Variants in SIPA1L2 observed in about 807,000 individuals in gnomAD.
SIPA1L2 encodes signal induced proliferation associated 1 like 2.
A neutral mutation model predicts 163.9 loss-of-function variants in SIPA1L2; 56 were observed. The ratio of observed to expected loss-of-function variants is 0.34; its 90% CI spans 0.28 to 0.43. The LOEUF (loss-of-function observed/expected upper bound fraction) is 0.43, where lower values mean the gene tolerates loss of function less well. Among genes scored for constraint, SIPA1L2 ranks in the 20% least tolerant of loss-of-function variants. The pLI is 1.00. For synonymous variants in SIPA1L2, 877 were observed against 865.7 expected, an observed-to-expected ratio of 1.01 and a Z score of -0.23; for missense variants, 1,974 against 2,193.5, an observed-to-expected ratio of 0.90 and a Z score of 2.00.
At chr1:232,567,578 T>C (rs988300775) in intron 2 of SIPA1L2, among the ~76,000 whole-genome samples, 1 of 152,200 alleles carries the variant, frequency 6.6e-6, no homozygotes, top group African/African-American at 2.4e-5. Context: ...ATTTCCAAGT[T>C]ATAAAGGAGT....
chr1:232,568,776 T>C (rs926677308), intron 2 of SIPA1L2, among the ~76,000 whole-genome samples: 3 of 152,264 alleles, frequency 2.0e-5, no homozygotes, highest in African/African-American at 2.4e-5. Flanking sequence ...AAAATGCACA[T>C]GTCTACATGT....
intron 10 of SIPA1L2, among the ~76,000 whole-genome samples, chr1:232,459,067 G>A (rs1664085601): frequency 6.6e-6 from 1 of 152,176 alleles, no homozygotes; most frequent in South Asian, 2.1e-4. Context: ...GAGGCTGGAG[G>A]CAAATGCTAA....
intron 1 of SIPA1L2, among the ~76,000 whole-genome samples, chr1:232,621,822 T>G (rs1189477158): frequency 2.0e-5 from 3 of 151,976 alleles, no homozygotes; most frequent in Non-Finnish European, 4.4e-5. Context: ...CTCGAACGCC[T>G]GGGCTCAAGG....
chr1:232,553,730 T>C (rs1320029194), intron 2 of SIPA1L2, among the ~76,000 whole-genome samples: 2 of 152,214 alleles, frequency 1.3e-5, no homozygotes, highest in East Asian at 3.8e-4. Flanking sequence ...TAAATCCTCT[T>C]CTACCATAAA....
In SIPA1L2 at chr1:232,432,422, C is replaced by T. The variant is rs778057532; in HGVS notation, c.4081G>A (p.Gly1361Arg). 7 of 1,614,122 alleles carry T rather than the reference C, an allele frequency of 4.3e-6. No individual in the cohort carries two copies. The highest frequency in any genetic ancestry group is 5.9e-6 in the Non-Finnish European group (7 of 1,180,058). ...SPSAHCSKSSGSLDSSKVYIV... is the reference protein window; with the variant it reads ...SPSAHCSKSSRSLDSSKVYIV... ...TAGACTTTGGATGAATCCAGAGACC[C>T]ACTACTTTTTGAACAGTGAGCTGAA... is the stretch of plus-strand genomic sequence containing the variant. The change falls in exon 16 of 23, where the codon GGG (glycine) becomes AGG (arginine). Residue 1361 changes from glycine to arginine, a missense_variant. Around this residue, in one of 3 missense-constraint regions of SIPA1L2, gnomAD observed 1,079 missense variants for 1,150.7 expected, o/e 0.94. Coordinates refer to ENST00000674635, the MANE Select transcript of SIPA1L2 (RefSeq NM_020808.5).
intron 2 of SIPA1L2, among the ~76,000 whole-genome samples, chr1:232,532,750 G>A (rs968021148): frequency 1.3e-5 from 2 of 152,146 alleles, no homozygotes; most frequent in African/African-American, 4.8e-5. Context: ...GCTGCTATAT[G>A]ACCCAATCAC....
At chr1:232,443,860 T>C (rs1157688055) in intron 11 of SIPA1L2, among the ~76,000 whole-genome samples, 175 bp from the exon 12 acceptor site, 1 of 152,222 alleles carries the variant, frequency 6.6e-6, no homozygotes, top group Non-Finnish European at 1.5e-5. Context: ...GTATCGGTGA[T>C]GCCCAGGGAT....
At chr1:232,585,967 A>G (rs925171587) in intron 1 of SIPA1L2, among the ~76,000 whole-genome samples, 14 of 152,240 alleles carry the variant, frequency 9.2e-5, no homozygotes, top group Non-Finnish European at 1.6e-4. Context: ...TGTAAAAATA[A>G]TAACAGCAAT....
chr1:232,489,594 G>C (rs960355734), intron 5 of SIPA1L2, among the ~76,000 whole-genome samples: 4 of 151,882 alleles, frequency 2.6e-5, no homozygotes, highest in Non-Finnish European at 5.9e-5. Flanking sequence ...TAATAATGCA[G>C]TGTTAACTTG....
At chr1:232,609,383 A>T (rs1037235947) in intron 1 of SIPA1L2, among the ~76,000 whole-genome samples, 1 of 152,160 alleles carries the variant, frequency 6.6e-6, no homozygotes, top group African/African-American at 2.4e-5. Flanking sequence ...TTGCTTCACA[A>T]TTTCTTCTTC....
intron 10 of SIPA1L2, among the ~76,000 whole-genome samples, chr1:232,449,296 A>G (rs1360581921): frequency 6.6e-6 from 1 of 152,116 alleles, no homozygotes; most frequent in Non-Finnish European, 1.5e-5. Context: ...AGGTGGGCGG[A>G]TCACGAGGTC....
intron 6 of SIPA1L2, among the ~76,000 whole-genome samples, chr1:232,482,107 T>C (rs576472991): frequency 1.9e-4 from 29 of 152,202 alleles, no homozygotes; most frequent in Non-Finnish European, 3.5e-4. Flanking sequence ...AGTCAACATA[T>C]CAAACTCTAG....
At position 232,441,299 on chromosome 1, in the gene SIPA1L2, G is replaced by C; in HGVS notation, c.3634C>G (p.Leu1212Val). ...ATGAACAAAGGACTTACGTGAGAAA[G>C]CTTATTGGGGGAATCTTTGCAACTT... is the stretch of plus-strand genomic sequence containing the variant. ...DGSCKDSPNK[L>V]SHIGDKSCSS... is the part of the protein sequence containing the mutation. The change falls in exon 14 of 23, where the codon CTT becomes GTT. Residue 1212 changes from leucine (L) to valine (V), a missense_variant. This residue lies in a region of SIPA1L2 where 1,079 missense variants were observed against 1,150.7 expected (regional missense o/e 0.94). Transcript: ENST00000674635. 1 of 1,595,148 alleles carries C rather than the reference G, an allele frequency of 6.3e-7. No individual in the cohort carries two copies. Among genetic ancestry groups the C allele is most frequent in the Middle Eastern group, 1.7e-4 (1 of 5,984 alleles).
chr1:232,483,819 T>C lies in SIPA1L2; in HGVS notation c.1954A>G (p.Lys652Glu). ...GQRVRLKGFS[K>E]YRAQLDNKTD... is the part of the protein sequence containing the mutation. ...TTATTGTCTAGCTGAGCTCGATATT[T>C]ACTAAATCCTTTCAGTCGGACTCTC... Residue 652 changes from lysine to glutamate, a missense_variant, in exon 6 of 23, where the codon AAA becomes GAA. This residue lies in a region of SIPA1L2 where 288 missense variants were observed against 418.9 expected (regional missense o/e 0.69). Coordinates refer to ENST00000674635, the MANE Select transcript of SIPA1L2 (RefSeq NM_020808.5). The C allele has an allele frequency of 6.2e-7, 1 of 1,614,058 alleles. No homozygotes were observed. Among genetic ancestry groups the C allele is most frequent in the Non-Finnish European group, 8.5e-7 (1 of 1,179,936 alleles).
intron 5 of SIPA1L2, among the ~76,000 whole-genome samples, chr1:232,489,896 A>G (rs1185574751): frequency 1.3e-5 from 2 of 152,048 alleles, no homozygotes; most frequent in African/African-American, 4.8e-5. Context: ...CCTTTTTTCC[A>G]TATTCTGAAC....
chr1:232,495,221 T>C (rs1310645605), intron 3 of SIPA1L2, among the ~76,000 whole-genome samples: 1 of 152,222 alleles, frequency 6.6e-6, no homozygotes, highest in Non-Finnish European at 1.5e-5. Context: ...ACTGACATTA[T>C]TTCCCTTTAG....
At chr1:232,445,822 T>G (rs770911382) in intron 10 of SIPA1L2, 36 bp from the exon 11 acceptor site, 30 of 1,594,970 alleles carry the variant, frequency 1.9e-5, no homozygotes, top group Non-Finnish European at 2.3e-5. Flanking sequence ...GAAGGGAAGC[T>G]CTCAGCTGAG....
chr1:232,624,185 G>C (rs772657517), intron 1 of SIPA1L2, among the ~76,000 whole-genome samples: 1 of 152,112 alleles, frequency 6.6e-6, no homozygotes, highest in African/African-American at 2.4e-5. Context: ...TGGGATGCAC[G>C]TTGAAAAAAG....
chr1:232,424,380 T>C (rs923255497), intron 18 of SIPA1L2, among the ~76,000 whole-genome samples: 3 of 67,676 alleles, frequency 4.4e-5, no homozygotes, highest in Non-Finnish European at 6.1e-5. Flanking sequence ...GGAAACAAAA[T>C]GAAGGGTAGA....
Sources: gnomAD v4.1 joint callset for allele counts (sites outside exome capture counted in the v4.1 genomes callset) on GRCh38, gnomAD v4.1.1 for gene constraint, gnomAD v4.1.1 regional missense constraint, MANE v1.5 for transcripts, NCBI Gene and HGNC (gene_info 2026-07-23, HGNC 2026-07-21) for gene names.